Variants in COL23A1 observed in about 807,000 individuals in gnomAD.
COL23A1 encodes the protein collagen alpha-1(XXIII) chain.
COL23A1 carries 97 observed loss-of-function variants against 99.3 expected under a neutral mutation model. The ratio of observed to expected loss-of-function variants is 0.98; its 90% CI spans 0.83 to 1.16. The LOEUF is 1.16. COL23A1 is among the 50% of genes most tolerant of loss of function. The pLI, the probability that COL23A1 is intolerant of heterozygous loss-of-function variation, is 0.00. For synonymous variants in COL23A1, 320 were observed against 308.2 expected, an observed-to-expected ratio of 1.04 and a Z score of -0.40; for missense variants, 762 against 757.4, an observed-to-expected ratio of 1.01 and a Z score of -0.07.
At chr5:178,410,050 CAG>C (rs1393015881) in intron 2 of COL23A1, among the ~76,000 whole-genome samples, 1 of 152,076 alleles carries the variant, frequency 6.6e-6, no homozygotes, top group Non-Finnish European at 1.5e-5. Context: ...CCATCATAAA[CAG>C]GGTCATGCAA....
chr5:178,299,559 A>C (rs1581107027), intron 3 of COL23A1, among the ~76,000 whole-genome samples: 1 of 152,136 alleles, frequency 6.6e-6, no homozygotes, highest in Non-Finnish European at 1.5e-5. Flanking sequence ...AGTCTAGTTA[A>C]AGGTTTGTCA....
intron 2 of COL23A1, among the ~76,000 whole-genome samples, chr5:178,493,656 A>G (rs1384695446): frequency 1.3e-5 from 2 of 152,242 alleles, no homozygotes; most frequent in East Asian, 3.8e-4. Flanking sequence ...AAGTTCAAGG[A>G]AAGAGTTTTC....
chr5:178,305,465 C>A (rs1758299730), intron 3 of COL23A1, among the ~76,000 whole-genome samples: 1 of 152,126 alleles, frequency 6.6e-6, no homozygotes, highest in South Asian at 2.1e-4. Flanking sequence ...ACCATGGCCA[C>A]CTTGTGAAGT....
intron 2 of COL23A1, among the ~76,000 whole-genome samples, chr5:178,531,354 C>G (rs1760638823): frequency 6.6e-6 from 1 of 152,220 alleles, no homozygotes; most frequent in East Asian, 1.9e-4. Context: ...ACCCAGGTCT[C>G]TTGATGGCAA....
At chr5:178,389,662 TA>T (rs1289450987) in intron 2 of COL23A1, among the ~76,000 whole-genome samples, 4 of 152,192 alleles carry the variant, frequency 2.6e-5, no homozygotes, top group Non-Finnish European at 4.4e-5. Context: ...TTCCCATGTG[TA>T]GAGTTAAGTG....
chr5:178,394,199 C>T (rs1764110609), intron 2 of COL23A1, among the ~76,000 whole-genome samples: 1 of 152,228 alleles, frequency 6.6e-6, no homozygotes, highest in Non-Finnish European at 1.5e-5. Context: ...ACTATCTGCA[C>T]CTGTCCTGCC....
At position 178,366,658 on chromosome 5, in the gene COL23A1, T is replaced by C. The variant is rs899498292; in HGVS notation, c.362-59739A>G. Among the ~76,000 whole-genome samples, 2 of 152,120 alleles carry C rather than the reference T, an allele frequency of 1.3e-5. No individual in the cohort carries two copies. The highest frequency in any genetic ancestry group is 2.9e-5 in the Non-Finnish European group (2 of 68,022). On this transcript the variant is annotated intron_variant, in intron 2 of 28. Coordinates refer to ENST00000390654, the MANE Select transcript of COL23A1 (RefSeq NM_173465.4). This position sits in a 1 kb window ranked among gnomAD's most constrained non-coding sequence, Gnocchi z 4.4. ...CCCCAACCCACTCTCCAGCTACCCC[T>C]AGAACCAAAACAGCATCCTGCCGCT...
intron 2 of COL23A1, among the ~76,000 whole-genome samples, chr5:178,477,733 G>A (rs1482528846): frequency 6.6e-6 from 1 of 152,186 alleles, no homozygotes; most frequent in Non-Finnish European, 1.5e-5. Context: ...CTTCCTTCCC[G>A]CTCTTCCCTG....
At chr5:178,435,410 C>A (rs1376698036) in intron 2 of COL23A1, among the ~76,000 whole-genome samples, 4 of 152,164 alleles carry the variant, frequency 2.6e-5, no homozygotes, top group South Asian at 2.1e-4. Flanking sequence ...GGAGTCCCAA[C>A]TTCAACCCTC....
chr5:178,242,818 T>C (rs1206061641), intron 25 of COL23A1, among the ~76,000 whole-genome samples: 1 of 152,188 alleles, frequency 6.6e-6, no homozygotes, highest in Non-Finnish European at 1.5e-5. Context: ...ATCTGTCCAT[T>C]CATCTATCTG....
chr5:178,560,636 C>T (rs746960189), intron 2 of COL23A1, 46 bp downstream of exon 2: 24 of 1,564,892 alleles, frequency 1.5e-5, no homozygotes, highest in African/African-American at 4.1e-5. Context: ...CCCAAGCAAA[C>T]GGCGGCCGAA....
At chr5:178,564,804 AG>A (rs1762764428) in intron 1 of COL23A1, among the ~76,000 whole-genome samples, 1 of 152,224 alleles carries the variant, frequency 6.6e-6, no homozygotes, top group East Asian at 1.9e-4. Context: ...CACATCCTTA[AG>A]TGGTTTTGTT....
chr5:178,253,480 T>G (rs565188164), intron 16 of COL23A1, among the ~76,000 whole-genome samples: 15 of 151,992 alleles, frequency 9.9e-5, no homozygotes, highest in Admixed American at 2.0e-4. Flanking sequence ...TGTTTTTATT[T>G]TTTATTTTTT....
chr5:178,335,485 G>C (rs981148688), intron 2 of COL23A1, among the ~76,000 whole-genome samples: 1 of 152,210 alleles, frequency 6.6e-6, no homozygotes, highest in African/African-American at 2.4e-5. Context: ...ATGACTTCCT[G>C]CTTATTTCAT....
At chr5:178,403,869 C>G (rs1184841658) in intron 2 of COL23A1, among the ~76,000 whole-genome samples, 1 of 152,238 alleles carries the variant, frequency 6.6e-6, no homozygotes, top group Admixed American at 6.5e-5. Flanking sequence ...TTTGGGGTGG[C>G]CCAGAAGGGC....
In COL23A1 at chr5:178,421,956, C is replaced by T. The variant is rs150678244; in HGVS notation, c.362-115037G>A. On this transcript the variant is annotated intron_variant, in intron 2 of 28. Coordinates refer to ENST00000390654, the MANE Select transcript of COL23A1 (RefSeq NM_173465.4). The stretch of plus-strand genomic sequence containing the variant: ...CGCCGGGGGGTGGAGTGAATATGGG[C>T]GGGGCTGAGGCTGCCCAGGGGGCCT... Among the ~76,000 whole-genome samples the T allele has an allele frequency of 1.6e-4, 24 of 152,244 alleles. No individual in the cohort carries two copies. The East Asian group carries it at 4.6e-3, about 29-fold the overall frequency.
rs570635351 is a variant in COL23A1 at position 178,260,933 on chromosome 5, C to T, written c.702+789G>A. 6.4e-4 allele frequency among the ~76,000 whole-genome samples: 97 copies of T among 152,256 alleles called. 1 individual carries two copies. The highest frequency in any genetic ancestry group is 1.4e-3 in the Admixed American group (22 of 15,292). The stretch of plus-strand genomic sequence containing the variant: ...GGATACTTGTCAACACACACTTGTC[C>T]GAATCCAGAGTGTACCACAGCAAGA... On this transcript the variant is annotated intron_variant, in intron 11 of 28. Transcript: ENST00000390654.
chr5:178,459,623 G>A (rs13179385), intron 2 of COL23A1, among the ~76,000 whole-genome samples: 67,960 of 151,902 alleles, frequency 0.45, 16,173 homozygotes, highest in Admixed American at 0.58. Context: ...TTAGTCGGGC[G>A]TGGTGGCGTG....
chr5:178,328,250 C>A (rs964864023), intron 2 of COL23A1, among the ~76,000 whole-genome samples: 3 of 152,186 alleles, frequency 2.0e-5, no homozygotes, highest in Admixed American at 6.5e-5. Context: ...CTCATCCCCC[C>A]TGTCCCTGTC....
Sources: allele counts gnomAD v4.1 joint callset (sites outside exome capture counted in the v4.1 genomes callset), GRCh38; gene constraint gnomAD v4.1.1; non-coding constraint Gnocchi (gnomAD v3.1); transcripts MANE v1.5; gene names NCBI Gene and HGNC (gene_info 2026-07-23, HGNC 2026-07-21).